The following WDR25 variants were observed in gnomAD, a reference collection of about 807,000 sequenced individuals.
The protein encoded by WDR25 is WD repeat domain 25.
A neutral mutation model predicts 47.7 loss-of-function variants in WDR25; 35 were observed. The observed-to-expected ratio is 0.73, with a 90% CI of 0.56 to 0.97. WDR25 has a LOEUF of 0.97. Among genes scored for constraint, WDR25 ranks in the 50% least tolerant of loss-of-function variants. The pLI is 0.00. For synonymous variants in WDR25, 248 were observed against 278.9 expected, an observed-to-expected ratio of 0.89 and a Z score of 1.10; for missense variants, 634 against 704.7, an observed-to-expected ratio of 0.90 and a Z score of 1.14.
At chr14:100,524,730 G>T (rs2030030036) in intron 4 of WDR25, among the ~76,000 whole-genome samples, 1 of 152,132 alleles carries the variant, frequency 6.6e-6, no homozygotes, top group Non-Finnish European at 1.5e-5. Context: ...AAGCCGTGGA[G>T]GTCGGAAGAG....
At chr14:100,522,271 T>A (rs956328192) in intron 4 of WDR25, among the ~76,000 whole-genome samples, 3 of 152,238 alleles carry the variant, frequency 2.0e-5, no homozygotes, top group Admixed American at 6.5e-5. Context: ...TCCAGTTTAT[T>A]CAACTTTTCA....
intron 2 of WDR25, among the ~76,000 whole-genome samples, chr14:100,439,736 C>T (rs1488159911): frequency 6.6e-6 from 1 of 152,172 alleles, no homozygotes; most frequent in African/African-American, 2.4e-5. Context: ...TTTGAATTGC[C>T]ATAGCTTTAA....
intron 4 of WDR25, among the ~76,000 whole-genome samples, chr14:100,496,376 A>G (rs921405738): frequency 2.0e-5 from 3 of 152,030 alleles, no homozygotes; most frequent in Non-Finnish European, 2.9e-5. Context: ...TGATAATGGT[A>G]TTTGTGTCTT....
intron 1 of WDR25, among the ~76,000 whole-genome samples, chr14:100,379,303 T>C (rs1457094683): frequency 4.6e-5 from 7 of 152,242 alleles, no homozygotes; most frequent in African/African-American, 1.7e-4. Context: ...TTGTAACACA[T>C]ATGACCAAAA....
intron 2 of WDR25, among the ~76,000 whole-genome samples, chr14:100,463,783 C>CT (rs1248131462): frequency 6.6e-6 from 1 of 152,210 alleles, no homozygotes; most frequent in African/African-American, 2.4e-5. Context: ...AACTCCACCC[C>CT]TTTCAGTGCT....
In WDR25 at chr14:100,428,399, G is replaced by A. The variant is rs568503366; in HGVS notation, c.823-39622G>A. Among the ~76,000 whole-genome samples, 1 of 152,322 alleles carries A rather than the reference G, an allele frequency of 6.6e-6. No individual in the cohort carries two copies. The highest frequency in any genetic ancestry group is 1.9e-4 in the East Asian group (1 of 5,180). Reference sequence around the variant, plus strand: ...GTCTGGAGTCAGGCGGCCTGGCTACGGGTCTTGGGTCTGCCACTCACCAGC... The same window carrying A: ...GTCTGGAGTCAGGCGGCCTGGCTACAGGTCTTGGGTCTGCCACTCACCAGC... On this transcript the variant is annotated intron_variant, in intron 2 of 6. Transcript: ENST00000402312. The surrounding 1 kb of genome is among the most constrained non-coding windows in gnomAD (Gnocchi z 4.3).
chr14:100,401,308 C>A (rs1388800846), intron 2 of WDR25, among the ~76,000 whole-genome samples: 2 of 152,144 alleles, frequency 1.3e-5, no homozygotes, highest in East Asian at 3.9e-4. Flanking sequence ...CACATCTATC[C>A]CCCTTGCACT....
At chr14:100,397,790 G>A (rs1329905580) in intron 2 of WDR25, among the ~76,000 whole-genome samples, 1 of 152,242 alleles carries the variant, frequency 6.6e-6, no homozygotes, top group Non-Finnish European at 1.5e-5. Context: ...GTAGCTGGAC[G>A]AGGCTGGGCA....
intron 4 of WDR25, among the ~76,000 whole-genome samples, chr14:100,493,505 G>GA (rs1900632323): frequency 6.6e-6 from 1 of 152,044 alleles, no homozygotes; most frequent in Non-Finnish European, 1.5e-5. Flanking sequence ...TATGTTCACA[G>GA]AAAAAATTTA....
rs1242221708 is a variant in WDR25, at chr14:100,529,744, GCTC to G, written c.1414-72_1414-70del. 53 of 1,491,396 alleles carry G rather than the reference GCTC, an allele frequency of 3.6e-5. No individual in the cohort carries two copies. The highest frequency in any genetic ancestry group is 4.7e-5 in the Non-Finnish European group (52 of 1,100,718). 92.4% of individuals were successfully genotyped at this position (1,491,396 alleles called of 1,614,324 possible). A position where few individuals can be genotyped will look rare whatever the true frequency, so the allele number is the denominator to read the frequency against. ...CTCCGTCAGCTCGGGGCTTCAGCCTGCTCCTCTGTAGAATGGGCATACTCACCC... is the reference window on the plus strand; with the variant it reads ...CTCCGTCAGCTCGGGGCTTCAGCCTGCTCTGTAGAATGGGCATACTCACCC... On this transcript the variant is annotated intron_variant, in intron 6 of 6. Transcript: ENST00000402312. This position sits in a 1 kb window ranked among gnomAD's most constrained non-coding sequence, Gnocchi z 5.1.
chr14:100,508,869 C>G (rs948344033), intron 4 of WDR25, among the ~76,000 whole-genome samples: 1 of 151,990 alleles, frequency 6.6e-6, no homozygotes, highest in Admixed American at 6.6e-5. Flanking sequence ...ATATGTTTTC[C>G]TATGTTCTGC....
chr14:100,465,482 A>G (rs1240067158), intron 2 of WDR25, among the ~76,000 whole-genome samples: 1 of 152,086 alleles, frequency 6.6e-6, no homozygotes, highest in African/African-American at 2.4e-5. Context: ...TGTCTGGCTT[A>G]TTTTACTTAG....
At chr14:100,387,865 G>T (rs1897053762) in intron 2 of WDR25, among the ~76,000 whole-genome samples, 1 of 152,252 alleles carries the variant, frequency 6.6e-6, no homozygotes, top group African/African-American at 2.4e-5. Flanking sequence ...TCTGTTAAGG[G>T]ACATACAGAG....
In WDR25 at chr14:100,404,955, A is replaced by T. The variant is rs758068410; in HGVS notation, c.822+23209A>T. ...CTTAACCCTCCTACCTTGTGTCCCC[A>T]TGCTAGTTCTGTCTTTCCTGTGCTC... On this transcript the variant is annotated intron_variant, in intron 2 of 6. Coordinates refer to ENST00000402312, the MANE Select transcript of WDR25 (RefSeq NM_001161476.3). This position sits in a 1 kb window ranked among gnomAD's most constrained non-coding sequence, Gnocchi z 4.6. Among the ~76,000 whole-genome samples, 1 of 151,932 alleles carries T rather than the reference A, an allele frequency of 6.6e-6. No individual in the cohort carries two copies. The highest frequency in any genetic ancestry group is 1.5e-5 in the Non-Finnish European group (1 of 67,984).
At position 100,464,087 on chromosome 14, in the gene WDR25, C is replaced by T. The variant is rs373927609; in HGVS notation, c.823-3934C>T. ...CCTGCAGAACCCTGGGATGCCCCAA[C>T]GGCTTGTGGTTTTCCGACTTCATCC... is the stretch of plus-strand genomic sequence containing the variant. On this transcript the variant is annotated intron_variant, in intron 2 of 6. Coordinates refer to ENST00000402312, the MANE Select transcript of WDR25 (RefSeq NM_001161476.3). 3.3e-4 allele frequency among the ~76,000 whole-genome samples: 51 copies of T among 152,316 alleles called. No individual in the cohort carries two copies. In the South Asian group the frequency reaches 7.5e-3, roughly 22 times the overall value.
Position 100,381,967 on chromosome 14 carries a change from A to T in WDR25, c.822+221A>T. On this transcript the variant is annotated intron_variant, in intron 2 of 6. Coordinates refer to ENST00000402312, the MANE Select transcript of WDR25 (RefSeq NM_001161476.3). ...GATGCTGCCTTGCTCAGGTTACCAG[A>T]GGATACTGTTTCTTATCCCTCTCGG... 3 of 660,658 alleles carry T rather than the reference A, an allele frequency of 4.5e-6. No individual in the cohort carries two copies. In the South Asian group the frequency reaches 4.9e-5, roughly 11 times the overall value. 40.9% of individuals were successfully genotyped at this position (660,658 alleles called of 1,614,324 possible).
At chr14:100,513,370 G>C (rs1901374417) in intron 4 of WDR25, among the ~76,000 whole-genome samples, 1 of 152,170 alleles carries the variant, frequency 6.6e-6, no homozygotes, top group African/African-American at 2.4e-5. Flanking sequence ...TGCCATGTGA[G>C]GACAAGCAAG....
At chr14:100,385,606 A>G (rs1897000882) in intron 2 of WDR25, among the ~76,000 whole-genome samples, 1 of 152,250 alleles carries the variant, frequency 6.6e-6, no homozygotes, top group Non-Finnish European at 1.5e-5. Flanking sequence ...TGCTTTTATT[A>G]GTTTTGAAAA....
Position 100,468,312 on chromosome 14 carries a change from G to A in WDR25, c.970+144G>A. On this transcript the variant is annotated intron_variant, in intron 3 of 6. Coordinates refer to ENST00000402312, the MANE Select transcript of WDR25 (RefSeq NM_001161476.3). This position sits in a 1 kb window ranked among gnomAD's most constrained non-coding sequence, Gnocchi z 4.5. ...CAGGGTGGGCTCGTGCTCGGTGAGA[G>A]GGCTTCCAGACTGCTTGCCCATTGG... 1 of 1,258,984 alleles carries A rather than the reference G, an allele frequency of 7.9e-7. No individual in the cohort carries two copies. The highest frequency in any genetic ancestry group is 1.1e-6 in the Non-Finnish European group (1 of 926,922). The allele number at this position is 1,258,984 out of a possible 1,614,324, so 78.0% of individuals were successfully genotyped here. A position where few individuals can be genotyped will look rare whatever the true frequency, so the allele number is the denominator to read the frequency against.
Sources: gnomAD v4.1 joint callset for allele counts (sites outside exome capture counted in the v4.1 genomes callset) on GRCh38, gnomAD v4.1.1 for gene constraint, Gnocchi (gnomAD v3.1) non-coding constraint, MANE v1.5 for transcripts, NCBI Gene and HGNC (gene_info 2026-07-23, HGNC 2026-07-21) for gene names.